TFCP2: variants seen among roughly 807,000 people sequenced by gnomAD.
TFCP2 encodes the protein transcription factor CP2.
Under a neutral mutation model 73.4 loss-of-function variants are expected in TFCP2, and 33 were observed. The ratio of observed to expected loss-of-function variants is 0.45; its 90% CI spans 0.34 to 0.60. The LOEUF is 0.60. Among genes scored for constraint, TFCP2 ranks in the 20% least tolerant of loss-of-function variants. The pLI, the probability that TFCP2 is intolerant of heterozygous loss-of-function variation, is 0.01. For missense variants in TFCP2, 352 were observed against 604.0 expected (o/e 0.58, Z 4.37); for synonymous variants, 193 against 211.6 (o/e 0.91, Z 0.76).
chr12:51,097,613 T>C (rs1270710277), intron 13 of TFCP2, among the ~76,000 whole-genome samples: 2 of 152,182 alleles, frequency 1.3e-5, no homozygotes, highest in Admixed American at 6.5e-5. Context: ...TAATCAATTG[T>C]ATAATTATGA....
At chr12:51,124,915 C>T (rs1229316048) in intron 1 of TFCP2, 2 of 888,162 alleles carry the variant, frequency 2.3e-6, no homozygotes, top group Admixed American at 1.7e-5. Context: ...AAGGACACGT[C>T]GTCCAGGATG....
chr12:51,152,829 A>G (rs1941457113), intron 1 of TFCP2, among the ~76,000 whole-genome samples: 1 of 152,190 alleles, frequency 6.6e-6, no homozygotes, highest in Non-Finnish European at 1.5e-5. Context: ...TACTATCTTA[A>G]TCACTTTTAA....
chr12:51,166,529 C>T (rs1941761534), intron 1 of TFCP2, among the ~76,000 whole-genome samples: 1 of 152,132 alleles, frequency 6.6e-6, no homozygotes, highest in Non-Finnish European at 1.5e-5. Context: ...AATCCCTCAA[C>T]TGGACCTGCA....
At chr12:51,102,770 CAT>C (rs1469647744) in intron 10 of TFCP2, among the ~76,000 whole-genome samples, 1 of 152,088 alleles carries the variant, frequency 6.6e-6, no homozygotes, top group Non-Finnish European at 1.5e-5. Context: ...ATGTGTCACA[CAT>C]GTTCCCTAAC....
chr12:51,130,774 G>A (rs1187408594), intron 1 of TFCP2, among the ~76,000 whole-genome samples: 1 of 152,048 alleles, frequency 6.6e-6, no homozygotes, highest in Non-Finnish European at 1.5e-5. Context: ...ATCACCTGAG[G>A]TCAGGAGTTT....
At chr12:51,105,924 T>C (rs1169993277) in intron 8 of TFCP2, among the ~76,000 whole-genome samples, 2 of 152,238 alleles carry the variant, frequency 1.3e-5, no homozygotes, top group Non-Finnish European at 2.9e-5. Flanking sequence ...ATAATACAGC[T>C]ACTTTTTAAA....
At chr12:51,112,739 T>C (rs1358617625) in intron 4 of TFCP2, among the ~76,000 whole-genome samples, 1 of 151,828 alleles carries the variant, frequency 6.6e-6, no homozygotes, top group Non-Finnish European at 1.5e-5. Context: ...TGGTTGTGGA[T>C]GCCTATAATC....
At chr12:51,160,352 G>A (rs556378501) in intron 1 of TFCP2, among the ~76,000 whole-genome samples, 1 of 151,864 alleles carries the variant, frequency 6.6e-6, no homozygotes, top group Non-Finnish European at 1.5e-5. Context: ...GGCCAAGCTG[G>A]TTTCAAACTC....
intron 1 of TFCP2, among the ~76,000 whole-genome samples, chr12:51,122,754 T>A: frequency 6.6e-6 from 1 of 152,130 alleles, no homozygotes. Context: ...TGTAGAAACA[T>A]AGAGTTTTCT....
Position 51,098,821 on chromosome 12 carries a change from A to C in TFCP2, c.1374T>G (p.Ile458Met). The C allele has an allele frequency of 1.9e-6, 3 of 1,614,156 alleles. No individual in the cohort carries two copies. Among genetic ancestry groups the C allele is most frequent in the Non-Finnish European group, 2.5e-6 (3 of 1,180,040 alleles). The change falls in exon 13 of 15, where the codon ATT becomes ATG. Residue 458 changes from isoleucine (I) to methionine (M), a missense_variant. Physicochemically the swap from Ile to Met is conservative, Grantham distance 10. Transcript: ENST00000257915. ...FSISPCQISQ[I>M]YKQGPTGIHV... ...GAATTCCTGTTGGCCCCTGCTTGTAAATCTGGCTGATCTGGCAAGGGGAAA... is the reference window on the plus strand; with the variant it reads ...GAATTCCTGTTGGCCCCTGCTTGTACATCTGGCTGATCTGGCAAGGGGAAA...
chr12:51,162,310 G>A (rs1941666008), intron 1 of TFCP2, among the ~76,000 whole-genome samples: 1 of 152,170 alleles, frequency 6.6e-6, no homozygotes, highest in East Asian at 1.9e-4. Flanking sequence ...GCCAGGCGTG[G>A]TAGCCCATGG....
chr12:51,128,689 G>C (rs2136999342), intron 1 of TFCP2, among the ~76,000 whole-genome samples: 1 of 152,260 alleles, frequency 6.6e-6, no homozygotes, highest in African/African-American at 2.4e-5. Context: ...AAAGTTAAGT[G>C]GCTTCACAGA....
intron 11 of TFCP2, among the ~76,000 whole-genome samples, chr12:51,100,628 G>C (rs1467004943): frequency 1.3e-5 from 2 of 151,982 alleles, no homozygotes; most frequent in Admixed American, 1.3e-4. Context: ...CCAGCCAGGG[G>C]AACACGGCAA....
At chr12:51,107,873 G>T (rs1274730831) in intron 6 of TFCP2, among the ~76,000 whole-genome samples, 2 of 151,460 alleles carry the variant, frequency 1.3e-5, no homozygotes, top group Non-Finnish European at 2.9e-5. Flanking sequence ...CAAAGTGCTG[G>T]GATTACAGGC....
intron 13 of TFCP2, among the ~76,000 whole-genome samples, chr12:51,097,790 G>A (rs1940002889): frequency 6.6e-6 from 1 of 152,074 alleles, no homozygotes; most frequent in Admixed American, 6.6e-5. Context: ...GCTGAGGCGG[G>A]TTGATCACTT....
At chr12:51,164,339 C>G (rs2137047622) in intron 1 of TFCP2, among the ~76,000 whole-genome samples, 1 of 152,298 alleles carries the variant, frequency 6.6e-6, no homozygotes, top group Middle Eastern at 3.4e-3. Context: ...TGGCTCACGC[C>G]TGTAATCCCA....
chr12:51,168,887 C>T lies in TFCP2; in HGVS notation c.122+3414G>A, dbSNP rs139216612. Among the ~76,000 whole-genome samples the T allele has an allele frequency of 2.3e-3, 355 of 152,036 alleles. 2 individuals carry two copies. Among genetic ancestry groups the T allele is most frequent in the Non-Finnish European group, 3.8e-3 (259 of 67,986 alleles). On this transcript the variant is annotated intron_variant, in intron 1 of 14. Coordinates refer to ENST00000257915, the MANE Select transcript of TFCP2 (RefSeq NM_005653.5). Reference sequence around the variant, plus strand: ...CACAGTCTCAGCTCATTGCAACTTCCGCCTCCCGGGTTCATGCAAGTCTCC... The same window carrying T: ...CACAGTCTCAGCTCATTGCAACTTCTGCCTCCCGGGTTCATGCAAGTCTCC...
chr12:51,138,444 A>C (rs1297881385), intron 1 of TFCP2, among the ~76,000 whole-genome samples: 2 of 152,190 alleles, frequency 1.3e-5, no homozygotes, highest in East Asian at 1.9e-4. Context: ...GGTGTGAACC[A>C]CTGTGCCTGG....
rs566917705 is a variant in TFCP2, at chr12:51,107,253, T to C, written c.811A>G (p.Thr271Ala). 1.2e-6 allele frequency: 2 copies of C among 1,604,194 alleles called. No homozygotes were observed. Among genetic ancestry groups the C allele is most frequent in the East Asian group, 2.2e-5 (1 of 44,828 alleles). Residue 271 changes from threonine to alanine, a missense_variant, in exon 7 of 15, where the codon ACA (threonine) becomes GCA (alanine). Physicochemically the swap from Thr to Ala is moderately conservative, Grantham distance 58. Coordinates refer to ENST00000257915, the MANE Select transcript of TFCP2 (RefSeq NM_005653.5). ...EKEKYQPSYETTILTECSPWP... is the reference protein window; with the variant it reads ...EKEKYQPSYEATILTECSPWP... ...CTTTTTACCTCTGTGAGTATGGTTG[T>C]CTCATAGGAAGGCTGATATTTCTCC...
Sources: allele counts gnomAD v4.1 joint callset (sites outside exome capture counted in the v4.1 genomes callset), GRCh38; gene constraint gnomAD v4.1.1; transcripts MANE v1.5; gene names NCBI Gene and HGNC (gene_info 2026-07-23, HGNC 2026-07-21).